The following PIP4K2A variants were observed in gnomAD, a reference collection of about 807,000 sequenced individuals.
The protein encoded by PIP4K2A is phosphatidylinositol 5-phosphate 4-kinase type-2 alpha.
PIP4K2A carries 14 observed loss-of-function variants against 42.9 expected under a neutral mutation model. The observed-to-expected ratio is 0.33, with a 90% CI of 0.22 to 0.51. PIP4K2A has a LOEUF of 0.51. Among genes scored for constraint, PIP4K2A ranks in the 20% least tolerant of loss-of-function variants. The pLI is 0.97. For missense variants in PIP4K2A, 434 were observed against 519.8 expected (o/e 0.83, Z 1.61); for synonymous variants, 192 against 192.2 (o/e 1.00, Z 0.01).
In PIP4K2A at chr10:22,537,218, C is replaced by T. The variant is rs1216987288; in HGVS notation, c.1204G>A (p.Gly402Ser). 6 of 1,605,426 alleles carry T rather than the reference C, an allele frequency of 3.7e-6. No individual in the cohort carries two copies. Among genetic ancestry groups the T allele is most frequent in the South Asian group, 1.1e-5 (1 of 89,620 alleles). ...GCAGGAGGTTACGTCAAGATGTGGC[C>T]AATAAAGTCCAAAAAGCGCTTTGAA... ...QYSKRFLDFI[G>S]HILT Residue 402 changes from glycine (G) to serine (S), a missense_variant, in exon 10 of 10, where the codon GGC becomes AGC. Transcript: ENST00000376573.
chr10:22,631,635 C>T (rs1750766), intron 1 of PIP4K2A, among the ~76,000 whole-genome samples: 10,081 of 152,166 alleles, frequency 0.066, 512 homozygotes, highest in African/African-American at 0.14. Flanking sequence ...TATGATTTCA[C>T]GTTCTATGGA....
chr10:22,610,913 A>G (rs1564441963), intron 1 of PIP4K2A, among the ~76,000 whole-genome samples: 1 of 152,224 alleles, frequency 6.6e-6, no homozygotes, highest in Non-Finnish European at 1.5e-5. Context: ...AAGATCAATC[A>G]AACATGAGCT....
At chr10:22,660,651 T>C (rs1156905158) in intron 1 of PIP4K2A, among the ~76,000 whole-genome samples, 1 of 152,128 alleles carries the variant, frequency 6.6e-6, no homozygotes, top group African/African-American at 2.4e-5. Context: ...GATTTATACC[T>C]TGATTCAGCT....
At chr10:22,672,778 A>G (rs16922578) in intron 1 of PIP4K2A, among the ~76,000 whole-genome samples, 18,571 of 152,196 alleles carry the variant, frequency 0.12, 1,263 homozygotes, top group Middle Eastern at 0.22. Context: ...ACCAACCGTA[A>G]TTTAGGATGT....
chr10:22,657,442 T>C (rs1839124431), intron 1 of PIP4K2A, among the ~76,000 whole-genome samples: 1 of 152,252 alleles, frequency 6.6e-6, no homozygotes, highest in African/African-American at 2.4e-5. Context: ...TCTTCAATTT[T>C]ATTTTTGACT....
At chr10:22,642,395 T>A (rs576847421) in intron 1 of PIP4K2A, among the ~76,000 whole-genome samples, 1 of 152,180 alleles carries the variant, frequency 6.6e-6, no homozygotes, top group Non-Finnish European at 1.5e-5. Context: ...AATACTAGGA[T>A]AGGCTGGAAA....
At chr10:22,582,168 C>T (rs370501507) in intron 4 of PIP4K2A, among the ~76,000 whole-genome samples, 3 of 152,024 alleles carry the variant, frequency 2.0e-5, no homozygotes, top group East Asian at 3.9e-4. Context: ...TTCTCCCTTC[C>T]TAATTCTCCC....
At chr10:22,607,552 C>A (rs1350636170) in intron 3 of PIP4K2A, among the ~76,000 whole-genome samples, 1 of 152,076 alleles carries the variant, frequency 6.6e-6, no homozygotes, top group Non-Finnish European at 1.5e-5. Context: ...TAAGTAGCCT[C>A]TACGAAGATA....
At chr10:22,598,966 G>A (rs1183382535) in intron 3 of PIP4K2A, among the ~76,000 whole-genome samples, 1 of 151,468 alleles carries the variant, frequency 6.6e-6, no homozygotes, top group African/African-American at 2.4e-5. Context: ...TACGAAATTA[G>A]TTAAAGTCAC....
intron 7 of PIP4K2A, among the ~76,000 whole-genome samples, chr10:22,548,985 C>T (rs1403259542): frequency 6.6e-6 from 1 of 152,128 alleles, no homozygotes. Flanking sequence ...GCTGGGAGTT[C>T]AAGGCTGCAG....
At chr10:22,623,174 A>T (rs1778308) in intron 1 of PIP4K2A, among the ~76,000 whole-genome samples, 5,110 of 150,746 alleles carry the variant, frequency 0.034, 98 homozygotes, top group African/African-American at 0.048. Flanking sequence ...TTTTTTTTTA[A>T]AAAAAAAGGT....
chr10:22,601,520 A>G (rs1837778259), intron 3 of PIP4K2A, among the ~76,000 whole-genome samples: 1 of 152,158 alleles, frequency 6.6e-6, no homozygotes, highest in Non-Finnish European at 1.5e-5. Flanking sequence ...AGCAGGGTGG[A>G]GTTTCCTTCC....
At chr10:22,617,120 A>T (rs545618842) in intron 1 of PIP4K2A, among the ~76,000 whole-genome samples, 1 of 152,384 alleles carries the variant, frequency 6.6e-6, no homozygotes, top group East Asian at 1.9e-4. Flanking sequence ...TGACATTTAC[A>T]TCACATGCAA....
chr10:22,689,258 A>C (rs1839816349), intron 1 of PIP4K2A, among the ~76,000 whole-genome samples: 1 of 151,476 alleles, frequency 6.6e-6, no homozygotes, highest in South Asian at 2.1e-4. Context: ...ACTTCTGAGC[A>C]CTCAGTTAAT....
intron 5 of PIP4K2A, 34 bp from the exon 6 acceptor site, chr10:22,567,923 T>C: frequency 1.9e-6 from 3 of 1,560,106 alleles, no homozygotes; most frequent in African/African-American, 1.4e-5. Context: ...AACATGCGCA[T>C]GGGAGGCATT....
At chr10:22,576,471 C>A (rs1837124486) in intron 4 of PIP4K2A, among the ~76,000 whole-genome samples, 1 of 152,128 alleles carries the variant, frequency 6.6e-6, no homozygotes, top group Admixed American at 6.5e-5. Context: ...CAGCCCTGAA[C>A]CAGGGAGACT....
At chr10:22,570,889 T>C (rs375596424) in intron 5 of PIP4K2A, among the ~76,000 whole-genome samples, 72 of 151,904 alleles carry the variant, frequency 4.7e-4, no homozygotes, top group African/African-American at 1.6e-3. Context: ...AAACCCAGCG[T>C]CATTTCAGAA....
At chr10:22,575,783 C>T (rs1455849084) in intron 4 of PIP4K2A, among the ~76,000 whole-genome samples, 1 of 151,918 alleles carries the variant, frequency 6.6e-6, no homozygotes, top group Non-Finnish European at 1.5e-5. Context: ...ACTAAAAATA[C>T]AACAATTAGC....
chr10:22,586,077 T>C (rs766712002), intron 4 of PIP4K2A, among the ~76,000 whole-genome samples: 28 of 152,254 alleles, frequency 1.8e-4, no homozygotes, highest in Non-Finnish European at 1.8e-4. Flanking sequence ...GTTAATCAAC[T>C]GATAATCATC....
Sources: allele counts gnomAD v4.1 joint callset (sites outside exome capture counted in the v4.1 genomes callset), GRCh38; gene constraint gnomAD v4.1.1; transcripts MANE v1.5; gene names NCBI Gene and HGNC (gene_info 2026-07-23, HGNC 2026-07-21).